PGPEP1: variants seen among roughly 807,000 people sequenced by gnomAD.
PGPEP1 encodes pyroglutamyl-peptidase I.
In PGPEP1, 15 loss-of-function variants were observed where a neutral mutation model predicts 24.1. That is an observed-to-expected ratio of 0.62 (90% CI 0.42 to 0.96). The LOEUF (loss-of-function observed/expected upper bound fraction) is 0.96. PGPEP1 is among the 40% of genes least tolerant of loss of function. PGPEP1 has a pLI of 0.00. For synonymous variants in PGPEP1, 122 were observed against 116.4 expected, an observed-to-expected ratio of 1.05 and a Z score of -0.31; for missense variants, 242 against 273.4, an observed-to-expected ratio of 0.89 and a Z score of 0.81.
intron 3 of PGPEP1, 35 bp from the exon 4 acceptor site, chr19:18,357,348 A>T: frequency 6.5e-7 from 1 of 1,542,530 alleles, no homozygotes; most frequent in East Asian, 2.3e-5. Context: ...TCCCACGGGC[A>T]GGCCATGTTA....
chr19:18,364,870 C>A lies in PGPEP1; in HGVS notation c.*1287C>A, dbSNP rs557516669. On this transcript the variant is annotated 3_prime_UTR_variant, in exon 5 of 5. Transcript: ENST00000269919. ...AAACTCCACATCAGCGGAAACCCCCCCCTACTTCTGGCCTGGAGCTTCAGG... is the reference window on the plus strand; with the variant it reads ...AAACTCCACATCAGCGGAAACCCCCACCTACTTCTGGCCTGGAGCTTCAGG... The A allele has an allele frequency of 6.6e-6, 1 of 152,032 alleles. No individual in the cohort carries two copies. The highest frequency in any genetic ancestry group is 2.4e-5 in the African/African-American group (1 of 41,376). The allele number at this position is 152,032 out of a possible 1,614,324, so 9.4% of individuals were successfully genotyped here. A position where few individuals can be genotyped will look rare whatever the true frequency, so the allele number is the denominator to read the frequency against.
chr19:18,369,484 G>C lies in PGPEP1; in HGVS notation c.*5901G>C, dbSNP rs573038651. ...GTGGGGTCTGGGGCCTGGGGGTTTTGTGTCGTGACACTTTGTCTCAAGGAG... is the reference window on the plus strand; with the variant it reads ...GTGGGGTCTGGGGCCTGGGGGTTTTCTGTCGTGACACTTTGTCTCAAGGAG... On this transcript the variant is annotated 3_prime_UTR_variant, in exon 5 of 5. Transcript: ENST00000269919. 3.3e-5 allele frequency: 5 copies of C among 152,558 alleles called. No individual in the cohort carries two copies. Among genetic ancestry groups the C allele is most frequent in the African/African-American group, 9.6e-5 (4 of 41,592 alleles). 9.5% of individuals were successfully genotyped at this position (152,558 alleles called of 1,614,324 possible).
intron 2 of PGPEP1, among the ~76,000 whole-genome samples, chr19:18,351,892 A>AG (rs989599300): frequency 1.3e-5 from 2 of 151,856 alleles, no homozygotes; most frequent in Non-Finnish European, 2.9e-5. Flanking sequence ...TGAGAGGCCA[A>AG]GGGGGGGCTG....
intron 1 of PGPEP1, 43 bp downstream of exon 1, chr19:18,340,758 A>G: frequency 7.1e-7 from 1 of 1,399,750 alleles, no homozygotes; most frequent in East Asian, 2.9e-5. Flanking sequence ...GGCCGGGGGC[A>G]GAGGCGGGGG....
At chr19:18,355,784 C>T in intron 2 of PGPEP1, 111 bp from the exon 3 acceptor site, 2 of 708,008 alleles carry the variant, frequency 2.8e-6, no homozygotes, top group Non-Finnish European at 5.2e-6. Flanking sequence ...ACACCCTTGC[C>T]ATCCTGCAGA....
intron 2 of PGPEP1, chr19:18,349,054 G>A (rs1273189638): frequency 1.0e-6 from 1 of 978,658 alleles, no homozygotes; most frequent in Non-Finnish European, 1.2e-6. Flanking sequence ...GTGAGCCACC[G>A]AGCCCTGCCA....
Position 18,363,508 on chromosome 19 carries a change from G to A in PGPEP1, c.555G>A (p.Leu185=). ...PYNADQLGRA[L]RAIIEEMLDL... Reference sequence around the variant, plus strand: ...ACGCGGACCAGCTGGGCAGGGCACTGAGAGCCATCATTGAGGAGATGTTGG... The same window carrying A: ...ACGCGGACCAGCTGGGCAGGGCACTAAGAGCCATCATTGAGGAGATGTTGG... The change falls in exon 5 of 5, where the codon CTG becomes CTA. Residue 185 remains leucine, a synonymous_variant. Coordinates refer to ENST00000269919, the MANE Select transcript of PGPEP1 (RefSeq NM_017712.4). 6.2e-7 allele frequency: 1 copy of A among 1,614,196 alleles called. No individual in the cohort carries two copies. Among genetic ancestry groups the A allele is most frequent in the Non-Finnish European group, 8.5e-7 (1 of 1,180,022 alleles).
chr19:18,356,120 C>T, intron 3 of PGPEP1, 109 bp downstream of exon 3: 1 of 712,270 alleles, frequency 1.4e-6, no homozygotes. Flanking sequence ...TGACCAATGC[C>T]ATACAGCCTT....
intron 2 of PGPEP1, among the ~76,000 whole-genome samples, chr19:18,346,082 C>T (rs1008969364): frequency 6.6e-6 from 1 of 152,122 alleles, no homozygotes; most frequent in Non-Finnish European, 1.5e-5. Flanking sequence ...TTCACAGAAG[C>T]CCCACATAGC....
At chr19:18,341,173 C>T (rs1486524216) in intron 1 of PGPEP1, among the ~76,000 whole-genome samples, 1 of 152,210 alleles carries the variant, frequency 6.6e-6, no homozygotes, top group East Asian at 1.9e-4. Flanking sequence ...ACAAATGAAC[C>T]TCCCAGTCAC....
intron 2 of PGPEP1, among the ~76,000 whole-genome samples, chr19:18,345,907 G>A (rs1057490767): frequency 6.6e-6 from 1 of 151,228 alleles, no homozygotes; most frequent in African/African-American, 2.4e-5. Context: ...GAAATCACTT[G>A]AACCCAGGAG....
At chr19:18,357,115 G>A (rs972648168) in intron 3 of PGPEP1, among the ~76,000 whole-genome samples, 1 of 152,224 alleles carries the variant, frequency 6.6e-6, no homozygotes, top group African/African-American at 2.4e-5. Context: ...AACTCCGCTG[G>A]ATGGCTAGTT....
intron 2 of PGPEP1, among the ~76,000 whole-genome samples, chr19:18,351,242 G>A (rs1187785270): frequency 2.6e-5 from 4 of 151,994 alleles, no homozygotes; most frequent in Admixed American, 6.6e-5. Context: ...TCCAGCCTGG[G>A]TGACAGAATG....
chr19:18,359,538 C>T (rs1474991189), intron 4 of PGPEP1, among the ~76,000 whole-genome samples: 1 of 148,020 alleles, frequency 6.8e-6, no homozygotes, highest in African/African-American at 2.5e-5. Flanking sequence ...GATGGAGTCT[C>T]GCTCTGTAGC....
chr19:18,352,266 C>CAA lies in PGPEP1; in HGVS notation c.88-3609_88-3608dup, dbSNP rs60299417. Reference sequence around the variant, plus strand: ...TGGGTGACAGAGCGAGACTCCGTCTCAAAAAAAAAAAAAAAAAAAAATTAG... The same window carrying CAA: ...TGGGTGACAGAGCGAGACTCCGTCTCAAAAAAAAAAAAAAAAAAAAAAATTAG... On this transcript the variant is annotated intron_variant, in intron 2 of 4. Coordinates refer to ENST00000269919, the MANE Select transcript of PGPEP1 (RefSeq NM_017712.4). Among the ~76,000 whole-genome samples, 53 of 43,658 alleles carry CAA rather than the reference C, an allele frequency of 1.2e-3. 2 individuals carry two copies. Among genetic ancestry groups the CAA allele is most frequent in the Middle Eastern group, 0.036 (1 of 28 alleles). 28.6% of individuals were successfully genotyped at this position (43,658 alleles called of 152,430 possible).
chr19:18,345,433 C>T (rs1161879979), intron 2 of PGPEP1, among the ~76,000 whole-genome samples: 1 of 151,866 alleles, frequency 6.6e-6, no homozygotes, highest in Non-Finnish European at 1.5e-5. Flanking sequence ...ATATATACAC[C>T]CAGAACACTC....
chr19:18,348,385 A>G (rs1243446765), intron 2 of PGPEP1, among the ~76,000 whole-genome samples: 2 of 152,240 alleles, frequency 1.3e-5, no homozygotes, highest in East Asian at 3.9e-4. Flanking sequence ...GGTCAGGGGA[A>G]TCGGTCAGAC....
At chr19:18,349,779 A>C (rs563122855) in intron 2 of PGPEP1, among the ~76,000 whole-genome samples, 52 of 152,310 alleles carry the variant, frequency 3.4e-4, no homozygotes, top group African/African-American at 1.2e-3. Flanking sequence ...TGGTCCAAAC[A>C]GAGATTACTC....
intron 2 of PGPEP1, chr19:18,349,053 C>A: frequency 1.0e-6 from 1 of 979,816 alleles, no homozygotes; most frequent in Non-Finnish European, 1.2e-6. Flanking sequence ...TGTGAGCCAC[C>A]GAGCCCTGCC....
Sources: allele counts gnomAD v4.1 joint callset (sites outside exome capture counted in the v4.1 genomes callset), GRCh38; gene constraint gnomAD v4.1.1; transcripts MANE v1.5; gene names NCBI Gene and HGNC (gene_info 2026-07-23, HGNC 2026-07-21).